The following NUP210L variants were observed in gnomAD, a reference collection of about 807,000 sequenced individuals.
The protein encoded by NUP210L is nucleoporin 210 like.
NUP210L carries 74 observed loss-of-function variants against 208.5 expected under a neutral mutation model. The observed-to-expected ratio is 0.35, with a 90% CI of 0.29 to 0.43. NUP210L has a LOEUF of 0.43. Ranked by LOEUF, NUP210L falls within the 20% of genes least tolerant of loss-of-function variation. The pLI, the probability that NUP210L is intolerant of heterozygous loss-of-function variation, is 1.00. For missense variants in NUP210L, 1,843 were observed against 2,289.4 expected (o/e 0.81, Z 3.98); for synonymous variants, 780 against 816.9 (o/e 0.95, Z 0.77).
intron 7 of NUP210L, among the ~76,000 whole-genome samples, chr1:154,134,041 T>TTAG (rs1036900094): frequency 1.3e-5 from 2 of 150,992 alleles, no homozygotes; most frequent in African/African-American, 4.9e-5. Context: ...TCCCAGCTGC[T>TTAG]TAGGAGGCCG....
At chr1:154,137,499 C>T (rs1471887841) in intron 6 of NUP210L, among the ~76,000 whole-genome samples, 3 of 151,098 alleles carry the variant, frequency 2.0e-5, no homozygotes, top group African/African-American at 7.3e-5. Flanking sequence ...TGCAGTGAGC[C>T]GAGATCATGC....
At chr1:154,104,889 G>A (rs958818377) in intron 12 of NUP210L, among the ~76,000 whole-genome samples, 12 of 151,908 alleles carry the variant, frequency 7.9e-5, no homozygotes, top group African/African-American at 2.7e-4. Flanking sequence ...ACACCTGCTG[G>A]GGTGGCCAAG....
At chr1:154,003,639 C>T (rs111609148) in intron 35 of NUP210L, among the ~76,000 whole-genome samples, 110 of 151,022 alleles carry the variant, frequency 7.3e-4, no homozygotes, top group African/African-American at 2.0e-3. Flanking sequence ...GCTACAGGTG[C>T]GCGCCACCAT....
At chr1:154,085,749 G>C (rs1655591824) in intron 16 of NUP210L, among the ~76,000 whole-genome samples, 1 of 152,214 alleles carries the variant, frequency 6.6e-6, no homozygotes, top group South Asian at 2.1e-4. Flanking sequence ...GATCAAGACA[G>C]TGTGGTACTG....
At chr1:154,036,178 T>C (rs1413770655) in intron 27 of NUP210L, among the ~76,000 whole-genome samples, 2 of 152,078 alleles carry the variant, frequency 1.3e-5, no homozygotes, top group African/African-American at 4.8e-5. Context: ...TTACCCTGTG[T>C]TTGTATAGTT....
At chr1:153,993,586 G>A (rs1649615904) in intron 38 of NUP210L, among the ~76,000 whole-genome samples, 1 of 150,932 alleles carries the variant, frequency 6.6e-6, no homozygotes, top group African/African-American at 2.4e-5. Context: ...AAAAAAGTGG[G>A]GAAATGGAGT....
intron 14 of NUP210L, among the ~76,000 whole-genome samples, chr1:154,099,303 C>T (rs1338115781): frequency 6.6e-6 from 1 of 152,056 alleles, no homozygotes; most frequent in Admixed American, 6.6e-5. Flanking sequence ...AAAGCTGCAC[C>T]CAGGGAGCTC....
intron 3 of NUP210L, 130 bp downstream of exon 3, chr1:154,143,316 G>T: frequency 1.5e-6 from 1 of 667,724 alleles, no homozygotes; most frequent in Non-Finnish European, 2.5e-6. Context: ...TCATCTATGA[G>T]CTCCAAATGA....
At chr1:154,088,677 A>G (rs1655747357) in intron 16 of NUP210L, among the ~76,000 whole-genome samples, 1 of 152,174 alleles carries the variant, frequency 6.6e-6, no homozygotes, top group Admixed American at 6.5e-5. Flanking sequence ...AATAACATGT[A>G]CTTTGGAGTC....
chr1:154,086,445 A>G (rs1320810572), intron 16 of NUP210L, among the ~76,000 whole-genome samples: 1 of 152,184 alleles, frequency 6.6e-6, no homozygotes, highest in Non-Finnish European at 1.5e-5. Context: ...AGTACAAACA[A>G]CAACCATAGT....
intron 17 of NUP210L, among the ~76,000 whole-genome samples, chr1:154,064,044 A>G (rs1377130266): frequency 6.6e-6 from 1 of 150,392 alleles, no homozygotes; most frequent in Non-Finnish European, 1.5e-5. Context: ...ATATGCATAA[A>G]TATATTAAAT....
chr1:154,011,693 T>C (rs542014130), intron 34 of NUP210L, among the ~76,000 whole-genome samples: 1 of 137,188 alleles, frequency 7.3e-6, no homozygotes, highest in Non-Finnish European at 1.6e-5. Context: ...TTTTTTTTTT[T>C]TTTTTTTTTT....
chr1:154,114,598 T>G (rs1657219177), intron 12 of NUP210L, among the ~76,000 whole-genome samples: 1 of 152,096 alleles, frequency 6.6e-6, no homozygotes, highest in Non-Finnish European at 1.5e-5. Context: ...CTTTTCCATT[T>G]TTTTGTATTT....
intron 2 of NUP210L, among the ~76,000 whole-genome samples, chr1:154,148,424 A>G (rs953099352): frequency 6.6e-6 from 1 of 152,196 alleles, no homozygotes; most frequent in African/African-American, 2.4e-5. Context: ...CAAAGGTTGC[A>G]GTGAGCCCAG....
intron 4 of NUP210L, 23 bp downstream of exon 4, chr1:154,141,407 AT>A: frequency 7.0e-7 from 1 of 1,424,904 alleles, no homozygotes; most frequent in Non-Finnish European, 9.9e-7. Flanking sequence ...TAGTCAGATG[AT>A]TTATGTTTGG....
At chr1:154,127,472 C>A in intron 8 of NUP210L, 55 bp from the exon 9 acceptor site, 3 of 822,876 alleles carry the variant, frequency 3.6e-6, no homozygotes, top group East Asian at 2.7e-5. Flanking sequence ...TTTTCTACAA[C>A]GAATTTAAAA....
At chr1:154,103,500 G>A (rs1287183701) in intron 13 of NUP210L, among the ~76,000 whole-genome samples, 1 of 150,022 alleles carries the variant, frequency 6.7e-6, no homozygotes, top group Non-Finnish European at 1.5e-5. Flanking sequence ...GTGAAACCCC[G>A]TCTCTACTAA....
At chr1:154,039,690 T>A (rs1652757360) in intron 27 of NUP210L, among the ~76,000 whole-genome samples, 2 of 152,190 alleles carry the variant, frequency 1.3e-5, no homozygotes, top group Non-Finnish European at 2.9e-5. Flanking sequence ...ATATTTGAGC[T>A]CCTTTGTATA....
chr1:154,118,610 A>G (rs1657451393), intron 11 of NUP210L, 61 bp downstream of exon 11: 2 of 1,177,284 alleles, frequency 1.7e-6, no homozygotes, highest in South Asian at 2.7e-5. Flanking sequence ...TCAAATTTCA[A>G]TAAATTAAGC....
Sources: allele counts gnomAD v4.1 joint callset (sites outside exome capture counted in the v4.1 genomes callset), GRCh38; gene constraint gnomAD v4.1.1; transcripts MANE v1.5; gene names NCBI Gene and HGNC (gene_info 2026-07-23, HGNC 2026-07-21).